Variants in HCFC1 observed in about 807,000 individuals in gnomAD.
The protein encoded by HCFC1 is host cell factor C1, also known as host cell factor 1.
HCFC1 carries 7 observed loss-of-function variants against 105.5 expected under a neutral mutation model. The observed-to-expected ratio is 0.07, with a 90% confidence interval of 0.04 to 0.12. The LOEUF is 0.12. HCFC1 is among the 10% of genes least tolerant of loss of function. The pLI is 1.00. For missense variants in HCFC1, 1,065 were observed against 1,823.6 expected, an observed-to-expected ratio of 0.58 and a Z score of 7.58; for synonymous variants, 918 against 828.1, an observed-to-expected ratio of 1.11 and a Z score of -1.86.
At position 153,962,232 on chromosome X, in the gene HCFC1, T is replaced by C; in HGVS notation, c.787A>G (p.Ile263Val). The change falls in exon 5 of 26, where the codon ATC becomes GTC. Residue 263 changes from isoleucine (I) to valine (V), a missense_variant. Physicochemically the swap from Ile to Val is conservative, Grantham distance 29. Transcript: ENST00000310441. ...TGAGCAGCCACTTACTTATTTCCGATGGTGGTTGCCGAGTGGAGACTGCGA... is the reference window on the plus strand; with the variant it reads ...TGAGCAGCCACTTACTTATTTCCGACGGTGGTTGCCGAGTGGAGACTGCGA... ...LPRSLHSATTIGNKMYVFGGW... is the reference protein window; with the variant it reads ...LPRSLHSATTVGNKMYVFGGW... 8.3e-7 allele frequency: 1 copy of C among 1,206,741 alleles called. No individual in the cohort carries two copies. The highest frequency in any genetic ancestry group is 1.1e-6 in the Non-Finnish European group (1 of 891,334).
In HCFC1 at chrX:153,955,119, C is replaced by CGGTGGTGGCGGTGTT; in HGVS notation, c.3265_3279dup (p.Asn1089_Thr1093dup). ...TGCTGCCCGGCCATGTTGGAGGTGG[C>CGGTGGTGGCGGTGTT]GGTGGTGGCGGTGTTGGTGGTGCCC... is the stretch of plus-strand genomic sequence containing the variant. On this transcript the variant is annotated inframe_insertion, in exon 17 of 26. Transcript: ENST00000310441. The CGGTGGTGGCGGTGTT allele has an allele frequency of 8.3e-7, 1 of 1,208,786 alleles. No homozygotes were observed. Among genetic ancestry groups the CGGTGGTGGCGGTGTT allele is most frequent in the East Asian group, 3.0e-5 (1 of 33,678 alleles).
chrX:153,959,511 G>T lies in HCFC1; in HGVS notation c.1445-20C>A. The T allele has an allele frequency of 8.3e-7, 1 of 1,209,561 alleles. No homozygotes were observed. Among genetic ancestry groups the T allele is most frequent in the Non-Finnish European group, 1.1e-6 (1 of 894,190 alleles). On this transcript the variant is annotated intron_variant, in intron 8 of 25. Coordinates refer to ENST00000310441, the MANE Select transcript of HCFC1 (RefSeq NM_005334.3). Reference sequence around the variant, plus strand: ...GGACACCTGATGAGAGAAGGGGCCAGCCGTCAGCCATCACCTTCTGCACGA... The same window carrying T: ...GGACACCTGATGAGAGAAGGGGCCATCCGTCAGCCATCACCTTCTGCACGA...
At position 153,954,718 on chromosome X, in the gene HCFC1, G is replaced by T; in HGVS notation, c.3681C>A (p.Asp1227Glu). 1 of 1,189,963 alleles carries T rather than the reference G, an allele frequency of 8.4e-7. No individual in the cohort carries two copies. The highest frequency in any genetic ancestry group is 1.1e-6 in the Non-Finnish European group (1 of 884,909). Reference protein sequence around the residue: ...KVRLSSPSIKDLPAGRHSHAV... With the variant: ...KVRLSSPSIKELPAGRHSHAV... ...CATGGCTGTGGCGCCCCGCAGGAAGGTCCTTAATGCTTGGGCTGCTCAGCC... is the reference window on the plus strand; with the variant it reads ...CATGGCTGTGGCGCCCCGCAGGAAGTTCCTTAATGCTTGGGCTGCTCAGCC... Residue 1227 changes from aspartate to glutamate, a missense_variant, in exon 17 of 26, where the codon GAC becomes GAA. Around this residue, in one of 17 missense-constraint regions of HCFC1, gnomAD observed 546 missense variants for 599.9 expected, o/e 0.91. Transcript: ENST00000310441.
chrX:153,967,825 A>G (rs1196126029), intron 1 of HCFC1, among the ~76,000 whole-genome samples: 1 of 111,901 alleles, frequency 8.9e-6, no homozygotes, highest in Admixed American at 9.5e-5. Context: ...GTCTAGTAAG[A>G]GGAGAGGAGG....
At chrX:153,953,143 G>A (rs1400170009) in intron 18 of HCFC1, 185 bp from the exon 19 acceptor site, 2 of 472,588 alleles carry the variant, frequency 4.2e-6, no homozygotes, top group Admixed American at 3.2e-5. Flanking sequence ...CCAGAGCCAG[G>A]CAGCAGGGCT....
chrX:153,948,690 G>A lies in HCFC1; in HGVS notation c.*657C>T, dbSNP rs1435491491. On this transcript the variant is annotated 3_prime_UTR_variant, in exon 26 of 26. Coordinates refer to ENST00000310441, the MANE Select transcript of HCFC1 (RefSeq NM_005334.3). ...GGCCTGCAGGGAGGTCTGCACAGGC[G>A]CTGCCCAGGCCGCCGCGGGGCTCCT... is the stretch of plus-strand genomic sequence containing the variant. The A allele has an allele frequency of 1.8e-5, 2 of 112,702 alleles. No individual in the cohort carries two copies. The highest frequency in any genetic ancestry group is 9.3e-5 in the Admixed American group (1 of 10,744). 9.3% of individuals were successfully genotyped at this position (112,702 alleles called of 1,213,427 possible).
At chrX:153,966,915 C>T (rs1321342784) in intron 1 of HCFC1, among the ~76,000 whole-genome samples, 2 of 112,223 alleles carry the variant, frequency 1.8e-5, no homozygotes, top group African/African-American at 6.5e-5. Flanking sequence ...ATCAGTGAGC[C>T]GGTGGGCCAG....
chrX:153,951,060 A>T (rs1557112319), intron 22 of HCFC1, 62 bp from the exon 23 acceptor site: 4 of 1,031,303 alleles, frequency 3.9e-6, no homozygotes, highest in Non-Finnish European at 5.4e-6. Flanking sequence ...CCACCCCAGG[A>T]ACACTGCAGG....
At chrX:153,967,842 T>C (rs1569547019) in intron 1 of HCFC1, among the ~76,000 whole-genome samples, 3 of 111,509 alleles carry the variant, frequency 2.7e-5, no homozygotes, top group Non-Finnish European at 5.7e-5. Flanking sequence ...GAGGGCTTGG[T>C]GTGGAAGGGG....
intron 13 of HCFC1, 75 bp from the exon 14 acceptor site, chrX:153,957,135 C>T (rs1384749693): frequency 1.4e-5 from 15 of 1,101,598 alleles, no homozygotes; most frequent in Non-Finnish European, 1.3e-5. Context: ...CTATAATGAA[C>T]ATCCACAAGT....
At chrX:153,964,872 T>G in intron 1 of HCFC1, 146 bp from the exon 2 acceptor site, 1 of 528,385 alleles carries the variant, frequency 1.9e-6, no homozygotes, top group East Asian at 4.3e-5. Context: ...CTGCGCTACC[T>G]GGGCCATCTT....
chrX:153,958,319 G>A (rs1420176695), intron 10 of HCFC1, 70 bp from the exon 11 acceptor site: 10 of 879,120 alleles, frequency 1.1e-5, no homozygotes, highest in African/African-American at 7.9e-5. Flanking sequence ...AGATGTCCAC[G>A]GTGGGCCCAT....
rs2065316263 is a variant in HCFC1 at position 153,951,892 on chromosome X, C to G, written c.5209G>C (p.Ala1737Pro). 1.7e-6 allele frequency: 2 copies of G among 1,194,264 alleles called. No individual in the cohort carries two copies. The highest frequency in any genetic ancestry group is 2.3e-6 in the Non-Finnish European group (2 of 884,945). ...GCCACAGTGCTGGGGACCGTGCCGGCCAGCTCATTGAGGCAATTGCTCTCA... is the reference window on the plus strand; with the variant it reads ...GCCACAGTGCTGGGGACCGTGCCGGGCAGCTCATTGAGGCAATTGCTCTCA... ...AIESNCLNELAGTVPSTVALL... is the reference protein window; with the variant it reads ...AIESNCLNELPGTVPSTVALL... The change falls in exon 20 of 26, where the codon GCC becomes CCC. Residue 1737 changes from alanine to proline, a missense_variant. Physicochemically the swap from Ala to Pro is conservative, Grantham distance 27. This residue lies in a region of HCFC1 where 115 missense variants were observed against 143.7 expected (regional missense o/e 0.80). Transcript: ENST00000310441.
At position 153,971,563 on chromosome X, in the gene HCFC1, C is replaced by A; in HGVS notation, c.-723G>T. 1.0e-5 allele frequency: 3 copies of A among 291,786 alleles called. No individual in the cohort carries two copies. The Admixed American group carries it at 1.8e-4, about 18-fold the overall frequency. 24.0% of individuals were successfully genotyped at this position (291,786 alleles called of 1,213,427 possible). A position where few individuals can be genotyped will look rare whatever the true frequency, so the allele number is the denominator to read the frequency against. ...CCTTAGTCCGCCTCTGCTGCTCAGG[C>A]TGCGCCTGCCGCCGTGGGAGCCGCC... On this transcript the variant is annotated 5_prime_UTR_variant, in exon 1 of 26. Coordinates refer to ENST00000310441, the MANE Select transcript of HCFC1 (RefSeq NM_005334.3).
In HCFC1 at chrX:153,954,775, A is replaced by G; in HGVS notation, c.3624T>C (p.Phe1208=). ...AREPGGRSPA[F]VQLAPLSSKV... is the part of the protein sequence containing the mutation. ...TGCTGCTCAGAGGGGCCAACTGCACAAAAGCAGGGCTGCGGCCCCCGGGCT... is the reference window on the plus strand; with the variant it reads ...TGCTGCTCAGAGGGGCCAACTGCACGAAAGCAGGGCTGCGGCCCCCGGGCT... The change falls in exon 17 of 26, where the codon TTT becomes TTC. Residue 1208 remains phenylalanine (F), a synonymous_variant. Transcript: ENST00000310441. 8.5e-7 allele frequency: 1 copy of G among 1,170,296 alleles called. No individual in the cohort carries two copies.
rs1250812048 is a variant in HCFC1 at position 153,958,088 on chromosome X, G to A, written c.1965C>T (p.Gly655=). 4.1e-6 allele frequency: 5 copies of A among 1,210,333 alleles called. No homozygotes were observed. Among genetic ancestry groups the A allele is most frequent in the South Asian group, 3.5e-5 (2 of 56,877 alleles). The change falls in exon 11 of 26, where the codon GGC becomes GGT. Residue 655 remains glycine, a synonymous_variant. Coordinates refer to ENST00000310441, the MANE Select transcript of HCFC1 (RefSeq NM_005334.3). ...QQAQVVTTVV[G]GVTKTITLVK... Reference sequence around the variant, plus strand: ...CCAGGGTGATGGTCTTGGTGACCCCGCCCACAACTGTGGTCACCACCTGGG... The same window carrying A: ...CCAGGGTGATGGTCTTGGTGACCCCACCCACAACTGTGGTCACCACCTGGG...
At chrX:153,956,163 C>A (rs782507616) in intron 16 of HCFC1, 28 bp downstream of exon 16, 1 of 1,178,032 alleles carries the variant, frequency 8.5e-7, no homozygotes, top group Non-Finnish European at 1.2e-6. Context: ...GGTCCCTCGC[C>A]CACACGTGGC....
At position 153,956,498 on chromosome X, in the gene HCFC1, G is replaced by A. The variant is rs2065378191; in HGVS notation, c.2636-87C>T. On this transcript the variant is annotated intron_variant, in intron 15 of 25. Transcript: ENST00000310441. ...CCTGCACAGGCTGGGGCACTCTGGA[G>A]CTGCTTGCATAGAAGGCTCGGGAGA... The A allele has an allele frequency of 6.3e-6, 7 of 1,114,889 alleles. No homozygotes were observed. In the Admixed American group the frequency reaches 6.7e-5, roughly 11 times the overall value. The allele number at this position is 1,114,889 out of a possible 1,213,427, so 91.9% of individuals were successfully genotyped here.
chrX:153,970,727 G>A lies in HCFC1; in HGVS notation c.114C>T (p.Ala38=), dbSNP rs1027526518. Residue 38 remains alanine, a synonymous_variant, in exon 1 of 26, where the codon GCC becomes GCT. Transcript: ENST00000310441. ...PVPRPRHGHR[A]VAIKELIVVF... ...CCACGATGAGCTCCTTGATGGCCAC[G>A]GCGCGGTGGCCGTGGCGGGGCCGTG... 1.7e-6 allele frequency: 2 copies of A among 1,206,262 alleles called. No homozygotes were observed. Among genetic ancestry groups the A allele is most frequent in the African/African-American group, 1.8e-5 (1 of 56,809 alleles).
Sources: gnomAD v4.1 joint callset for allele counts (sites outside exome capture counted in the v4.1 genomes callset) on GRCh38, gnomAD v4.1.1 for gene constraint, gnomAD v4.1.1 regional missense constraint, MANE v1.5 for transcripts, NCBI Gene and HGNC (gene_info 2026-07-23, HGNC 2026-07-21) for gene names.